Variants in ST3GAL1 observed in about 807,000 individuals in gnomAD.
The protein encoded by ST3GAL1 is ST3 beta-galactoside alpha-2,3-sialyltransferase 1.
A neutral mutation model predicts 34.1 loss-of-function variants in ST3GAL1; 16 were observed. That is an observed-to-expected ratio of 0.47 (90% CI 0.32 to 0.71). The LOEUF is 0.71. Among genes scored for constraint, ST3GAL1 ranks in the 30% least tolerant of loss-of-function variants. The pLI, the probability that ST3GAL1 is intolerant of heterozygous loss-of-function variation, is 0.04. For synonymous variants in ST3GAL1, 191 were observed against 184.7 expected (o/e 1.03, Z -0.28); for missense variants, 353 against 447.4 (o/e 0.79, Z 1.90).
intron 2 of ST3GAL1, among the ~76,000 whole-genome samples, chr8:133,541,984 G>T (rs1219190044): frequency 2.0e-5 from 3 of 152,116 alleles, no homozygotes; most frequent in Non-Finnish European, 4.4e-5. Flanking sequence ...TGAACCTATG[G>T]TGATTTTAAT....
intron 5 of ST3GAL1, among the ~76,000 whole-genome samples, chr8:133,474,100 C>A (rs1816068268): frequency 6.6e-6 from 1 of 152,198 alleles, no homozygotes; most frequent in Admixed American, 6.5e-5. Context: ...CTAAGTCTCA[C>A]ACATGTTTTC....
chr8:133,494,026 T>C (rs1267745095), intron 3 of ST3GAL1, among the ~76,000 whole-genome samples: 2 of 152,130 alleles, frequency 1.3e-5, no homozygotes, highest in Admixed American at 6.5e-5. Context: ...GTGTGTGTTA[T>C]GCACTAGAGC....
chr8:133,558,190 G>C (rs1337839337), intron 1 of ST3GAL1, among the ~76,000 whole-genome samples: 1 of 152,218 alleles, frequency 6.6e-6, no homozygotes, highest in Non-Finnish European at 1.5e-5. Flanking sequence ...CCCTACCACA[G>C]GTAGTGAAAA....
At chr8:133,528,830 G>A (rs1818053063) in intron 2 of ST3GAL1, among the ~76,000 whole-genome samples, 1 of 152,210 alleles carries the variant, frequency 6.6e-6, no homozygotes, top group Non-Finnish European at 1.5e-5. Context: ...CTCCACCCCA[G>A]GGCTTTGCAT....
chr8:133,459,554 G>C lies in ST3GAL1; in HGVS notation c.*210C>G. On this transcript the variant is annotated 3_prime_UTR_variant, in exon 10 of 10. Coordinates refer to ENST00000522652, the MANE Select transcript of ST3GAL1 (RefSeq NM_173344.3). The surrounding 1 kb of genome is among the most constrained non-coding windows in gnomAD (Gnocchi z 4.7). ...GGGGACGTTGTCCCCACTCAAGACA[G>C]GTTCCAAGACATGCTCTGCCACGCT... is the stretch of plus-strand genomic sequence containing the variant. The C allele has an allele frequency of 2.0e-6, 1 of 499,114 alleles. No homozygotes were observed. The highest frequency in any genetic ancestry group is 4.0e-5 in the Admixed American group (1 of 24,840). 30.9% of individuals were successfully genotyped at this position (499,114 alleles called of 1,614,324 possible).
intron 2 of ST3GAL1, among the ~76,000 whole-genome samples, chr8:133,506,878 AG>A (rs1817358421): frequency 6.6e-6 from 1 of 152,018 alleles, no homozygotes; most frequent in Non-Finnish European, 1.5e-5. Flanking sequence ...TCACAAGGTC[AG>A]GAGATGGAGA....
rs79899731 is a variant in ST3GAL1 at position 133,559,731 on chromosome 8, C to T, written c.-582+11962G>A. 2.6e-4 allele frequency among the ~76,000 whole-genome samples: 39 copies of T among 152,364 alleles called. 1 individual carries two copies. The highest frequency in any genetic ancestry group is 4.9e-4 in the Non-Finnish European group (33 of 68,040). On this transcript the variant is annotated intron_variant, in intron 1 of 9. Transcript: ENST00000522652. ...GAATTTTCCAAGGTTGCAACAGCGA[C>T]GCTGACGATTCCTTTTACGTGAAGC...
chr8:133,476,197 AC>A (rs1816170337), intron 4 of ST3GAL1, 80 bp downstream of exon 4: 1 of 671,606 alleles, frequency 1.5e-6, no homozygotes, highest in Non-Finnish European at 2.4e-6. Flanking sequence ...CTGGGGGATG[AC>A]CCCCAACTGT....
chr8:133,557,888 G>A (rs1380754193), intron 1 of ST3GAL1, among the ~76,000 whole-genome samples: 3 of 139,790 alleles, frequency 2.1e-5, no homozygotes, highest in Non-Finnish European at 4.5e-5. Flanking sequence ...CTGGGCAACA[G>A]AGTGAGACTC....
chr8:133,461,814 C>G lies in ST3GAL1; in HGVS notation c.849+61G>C, dbSNP rs759930103. 3.7e-6 allele frequency: 6 copies of G among 1,606,094 alleles called. No individual in the cohort carries two copies. The highest frequency in any genetic ancestry group is 5.1e-6 in the Non-Finnish European group (6 of 1,174,998). ...CCTGCCCTCCCCCTCCCTGGCCTCT[C>G]TTGGGAACACAGGACGGTGAGCTTC... On this transcript the variant is annotated intron_variant, in intron 9 of 9. Transcript: ENST00000522652. The surrounding 1 kb of genome is among the most constrained non-coding windows in gnomAD (Gnocchi z 4.7).
intron 2 of ST3GAL1, among the ~76,000 whole-genome samples, chr8:133,530,019 A>C (rs1251103268): frequency 6.6e-6 from 1 of 152,204 alleles, no homozygotes; most frequent in Non-Finnish European, 1.5e-5. Context: ...CCTTGACTGA[A>C]CTGTAGGTTT....
At chr8:133,470,788 C>T (rs1302890199) in intron 5 of ST3GAL1, among the ~76,000 whole-genome samples, 3 of 152,150 alleles carry the variant, frequency 2.0e-5, no homozygotes, top group Non-Finnish European at 4.4e-5. Context: ...GATAAGGAGG[C>T]CCACTCATGC....
At chr8:133,558,108 T>C (rs1819112007) in intron 1 of ST3GAL1, among the ~76,000 whole-genome samples, 1 of 152,194 alleles carries the variant, frequency 6.6e-6, no homozygotes, top group Non-Finnish European at 1.5e-5. Flanking sequence ...TTGGAAGCTT[T>C]GAATGAGAAA....
rs151173142 is a variant in ST3GAL1 at position 133,479,246 on chromosome 8, G to A, written c.-373-2646C>T. Among the ~76,000 whole-genome samples, 638 of 152,142 alleles carry A rather than the reference G, an allele frequency of 4.2e-3. 7 individuals are homozygous for A. Among genetic ancestry groups the A allele is most frequent in the Middle Eastern group, 0.02 (6 of 294 alleles). ...CATCGTAAAAGGATCTAAGGTAGGC[G>A]CCTCCCAGGCATCAATAGGGCCCCA... On this transcript the variant is annotated intron_variant, in intron 3 of 9. Transcript: ENST00000522652.
intron 5 of ST3GAL1, among the ~76,000 whole-genome samples, chr8:133,472,134 C>G (rs989487921): frequency 1.3e-5 from 2 of 151,912 alleles, no homozygotes; most frequent in Non-Finnish European, 2.9e-5. Flanking sequence ...TCTTCACTTG[C>G]AGGGCACGGG....
chr8:133,554,180 A>G (rs1341145047), intron 1 of ST3GAL1, among the ~76,000 whole-genome samples: 1 of 152,142 alleles, frequency 6.6e-6, no homozygotes, highest in Non-Finnish European at 1.5e-5. Context: ...AGTTAATTTC[A>G]CAACCATGAG....
intron 5 of ST3GAL1, among the ~76,000 whole-genome samples, chr8:133,472,422 C>T (rs1396549690): frequency 2.6e-5 from 4 of 152,146 alleles, no homozygotes; most frequent in Admixed American, 6.5e-5. Flanking sequence ...TCCCACAACA[C>T]GTGGGAATTG....
chr8:133,456,533 G>C lies in ST3GAL1; in HGVS notation c.*3231C>G, dbSNP rs1187275151. On this transcript the variant is annotated 3_prime_UTR_variant, in exon 10 of 10. Coordinates refer to ENST00000522652, the MANE Select transcript of ST3GAL1 (RefSeq NM_173344.3). Reference sequence around the variant, plus strand: ...AGTGCTCCTCATTCTCCTGCTGACAGCATGCATGTGCCTTTTGGCTAACAC... The same window carrying C: ...AGTGCTCCTCATTCTCCTGCTGACACCATGCATGTGCCTTTTGGCTAACAC... The C allele has an allele frequency of 6.6e-6, 1 of 152,332 alleles. No individual in the cohort carries two copies. The highest frequency in any genetic ancestry group is 2.4e-5 in the African/African-American group (1 of 41,478). 9.4% of individuals were successfully genotyped at this position (152,332 alleles called of 1,614,324 possible).
rs115758847 is a variant in ST3GAL1, at chr8:133,464,770, G to C, written c.683+8C>G. 60,384 of 1,609,404 alleles carry C rather than the reference G, an allele frequency of 0.038. 1,360 individuals are homozygous for C. The highest frequency in any genetic ancestry group is 0.087 in the African/African-American group (6,482 of 74,884). On this transcript the variant is annotated splice_region_variant and intron_variant, in intron 7 of 9. Transcript: ENST00000522652. ...GAGCAGCGAGGCGGGGCCACAGGAGGGACTCACTGGGAAATGGTGCCCGTG... is the reference window on the plus strand; with the variant it reads ...GAGCAGCGAGGCGGGGCCACAGGAGCGACTCACTGGGAAATGGTGCCCGTG...
Sources: allele counts gnomAD v4.1 joint callset (sites outside exome capture counted in the v4.1 genomes callset), GRCh38; gene constraint gnomAD v4.1.1; non-coding constraint Gnocchi (gnomAD v3.1); transcripts MANE v1.5; gene names NCBI Gene and HGNC (gene_info 2026-07-23, HGNC 2026-07-21).